The following SYNPR variants were observed in gnomAD, a reference collection of about 807,000 sequenced individuals.
SYNPR encodes synaptoporin.
Under a neutral mutation model 32.9 loss-of-function variants are expected in SYNPR, and 23 were observed. The ratio of observed to expected loss-of-function variants is 0.70; its 90% CI spans 0.50 to 0.99. The LOEUF is 0.99. Ranked by LOEUF, SYNPR falls within the 50% of genes least tolerant of loss-of-function variation. The pLI is 0.00. For synonymous variants in SYNPR, 146 were observed against 135.9 expected (o/e 1.07, Z -0.52); for missense variants, 318 against 349.3 (o/e 0.91, Z 0.71).
intron 4 of SYNPR, among the ~76,000 whole-genome samples, chr3:63,557,181 G>A (rs545178336): frequency 2.6e-5 from 4 of 151,828 alleles, no homozygotes; most frequent in East Asian, 3.9e-4. Context: ...CTGTTGCCTC[G>A]TACAATGGTC....
chr3:63,306,081 G>A (rs62253863), intron 2 of SYNPR, among the ~76,000 whole-genome samples: 43,685 of 151,784 alleles, frequency 0.29, 7,506 homozygotes, highest in Non-Finnish European at 0.39. Flanking sequence ...CCATTAACCC[G>A]AGAGCCTTTG....
chr3:63,257,098 T>A (rs1418488900), intron 2 of SYNPR, among the ~76,000 whole-genome samples: 1 of 152,140 alleles, frequency 6.6e-6, no homozygotes, highest in South Asian at 2.1e-4. Context: ...ATCTGATTGG[T>A]GTACCTGAAA....
chr3:63,616,601 T>C lies in SYNPR; in HGVS notation c.*1120T>C, dbSNP rs1398618732. ...GCCCCTAAATTAAAAATGGCTTCCA[T>C]ATGCCACTCTGTACCCCAAAGAGAG... On this transcript the variant is annotated 3_prime_UTR_variant, in exon 6 of 6. Coordinates refer to ENST00000478300, the MANE Select transcript of SYNPR (RefSeq NM_001130003.2). 1.3e-5 allele frequency: 2 copies of C among 152,656 alleles called. No homozygotes were observed. Among genetic ancestry groups the C allele is most frequent in the Admixed American group, 6.5e-5 (1 of 15,282 alleles). The allele number at this position is 152,656 out of a possible 1,614,324, so 9.5% of individuals were successfully genotyped here. A position where few individuals can be genotyped will look rare whatever the true frequency, so the allele number is the denominator to read the frequency against.
At chr3:63,500,270 T>C (rs934741131) in intron 3 of SYNPR, among the ~76,000 whole-genome samples, 7 of 152,264 alleles carry the variant, frequency 4.6e-5, no homozygotes, top group Middle Eastern at 3.4e-3. Context: ...AGAGCAGTCC[T>C]CTATGCCTCC....
intron 2 of SYNPR, among the ~76,000 whole-genome samples, chr3:63,395,897 A>G (rs1337570933): frequency 1.3e-5 from 2 of 152,202 alleles, no homozygotes; most frequent in East Asian, 3.9e-4. Flanking sequence ...AAAGTTCTAA[A>G]ACATTCCATT....
In SYNPR at chr3:63,278,696, TC is replaced by T; in HGVS notation, c.40del (p.Arg14GlyfsTer3). ...CCAAAGCTGGCCTCTGCGGGCACCT[TC>T]CGGGTGCTGAAGGAGCCCCTTGCCT... Reference protein sequence around the residue: ...PVSQLASAGTFRVLKEPLAFL... With the variant: ...PVSQLASAGTXRVLKEPLAFL... On this transcript the variant is annotated frameshift_variant, in exon 2 of 6. Coordinates refer to ENST00000478300, the MANE Select transcript of SYNPR (RefSeq NM_001130003.2). LOFTEE classifies it high-confidence loss of function. 3 of 1,551,618 alleles carry T rather than the reference TC, an allele frequency of 1.9e-6. No individual in the cohort carries two copies. The highest frequency in any genetic ancestry group is 2.6e-6 in the Non-Finnish European group (3 of 1,146,974).
At chr3:63,294,696 A>T (rs1433318501) in intron 2 of SYNPR, among the ~76,000 whole-genome samples, 4 of 152,120 alleles carry the variant, frequency 2.6e-5, no homozygotes, top group African/African-American at 9.7e-5. Context: ...AGAATGTCAA[A>T]GGTAATTACT....
intron 3 of SYNPR, among the ~76,000 whole-genome samples, chr3:63,549,826 A>T (rs969973453): frequency 6.6e-6 from 1 of 151,388 alleles, no homozygotes; most frequent in African/African-American, 2.4e-5. Flanking sequence ...ATTGGTACAT[A>T]TTTTTTTTTA....
At chr3:63,593,753 T>A (rs943796866) in intron 4 of SYNPR, among the ~76,000 whole-genome samples, 1 of 152,136 alleles carries the variant, frequency 6.6e-6, no homozygotes, top group African/African-American at 2.4e-5. Context: ...AACATCAGCA[T>A]CCACTACATC....
rs1444400651 is a variant in SYNPR, at chr3:63,502,696, A to C, written c.209+21740A>C. Reference sequence around the variant, plus strand: ...TATTTCACTTAGTAATATGCATTTAAGTTTTCTCCATGTCTTTTCTTAGCT... The same window carrying C: ...TATTTCACTTAGTAATATGCATTTACGTTTTCTCCATGTCTTTTCTTAGCT... On this transcript the variant is annotated intron_variant, in intron 3 of 5. Coordinates refer to ENST00000478300, the MANE Select transcript of SYNPR (RefSeq NM_001130003.2). Among the ~76,000 whole-genome samples, 3 of 152,030 alleles carry C rather than the reference A, an allele frequency of 2.0e-5. No homozygotes were observed. In the East Asian group the frequency reaches 5.8e-4, roughly 29 times the overall value.
At chr3:63,328,807 C>T (rs992083229) in intron 2 of SYNPR, among the ~76,000 whole-genome samples, 17 of 152,106 alleles carry the variant, frequency 1.1e-4, no homozygotes, top group South Asian at 2.1e-4. Flanking sequence ...TGTTTAAACA[C>T]GAGTATTACA....
intron 2 of SYNPR, among the ~76,000 whole-genome samples, chr3:63,260,071 G>A (rs1044925627): frequency 3.9e-5 from 6 of 152,054 alleles, no homozygotes; most frequent in Non-Finnish European, 7.4e-5. Flanking sequence ...AAATAAAAGA[G>A]GATACAAACA....
chr3:63,586,960 G>A (rs150021799), intron 4 of SYNPR, among the ~76,000 whole-genome samples: 2,288 of 151,856 alleles, frequency 0.015, 23 homozygotes, highest in Non-Finnish European at 0.023. Context: ...TCACACATGC[G>A]AAGACTCCAC....
chr3:63,487,544 T>G (rs1241201258), intron 3 of SYNPR, among the ~76,000 whole-genome samples: 2 of 152,170 alleles, frequency 1.3e-5, no homozygotes, highest in African/African-American at 4.8e-5. Flanking sequence ...AAATTACCCT[T>G]GAGAAAACAA....
intron 2 of SYNPR, among the ~76,000 whole-genome samples, chr3:63,395,725 T>C (rs1055976917): frequency 5.3e-5 from 8 of 152,174 alleles, no homozygotes; most frequent in African/African-American, 1.9e-4. Flanking sequence ...ATTGTACGTA[T>C]ATACATATTA....
chr3:63,607,251 T>C (rs1700137696), intron 4 of SYNPR, among the ~76,000 whole-genome samples: 1 of 152,206 alleles, frequency 6.6e-6, no homozygotes, highest in Non-Finnish European at 1.5e-5. Context: ...AAGACCTTCC[T>C]CAATACTCAG....
At chr3:63,576,552 G>A (rs1345586631) in intron 4 of SYNPR, among the ~76,000 whole-genome samples, 1 of 152,084 alleles carries the variant, frequency 6.6e-6, no homozygotes, top group African/African-American at 2.4e-5. Context: ...AACACTTTGG[G>A]AGGCTGAGGC....
chr3:63,615,520 T>C lies in SYNPR; in HGVS notation c.*39T>C, dbSNP rs1431399509. On this transcript the variant is annotated 3_prime_UTR_variant, in exon 6 of 6. Transcript: ENST00000478300. ...GCATTCTTCTGCAGTCGCCTCACCATCTTCCATTTCAGTGGCAGAAGAATT... is the reference window on the plus strand; with the variant it reads ...GCATTCTTCTGCAGTCGCCTCACCACCTTCCATTTCAGTGGCAGAAGAATT... The C allele has an allele frequency of 1.9e-6, 3 of 1,580,720 alleles. No individual in the cohort carries two copies. Among genetic ancestry groups the C allele is most frequent in the Non-Finnish European group, 2.6e-6 (3 of 1,164,240 alleles).
chr3:63,509,915 G>A (rs774847904), intron 3 of SYNPR, among the ~76,000 whole-genome samples: 4 of 152,040 alleles, frequency 2.6e-5, no homozygotes, highest in Non-Finnish European at 4.4e-5. Flanking sequence ...TAGTATGCGA[G>A]ATAGAATTCT....
Sources: gnomAD v4.1 joint callset for allele counts (sites outside exome capture counted in the v4.1 genomes callset) on GRCh38, gnomAD v4.1.1 for gene constraint, MANE v1.5 for transcripts, NCBI Gene and HGNC (gene_info 2026-07-23, HGNC 2026-07-21) for gene names.